The following STPG2 variants were observed in gnomAD, a reference collection of about 807,000 sequenced individuals.
STPG2 encodes the protein sperm-tail PG-rich repeat-containing protein 2.
STPG2 carries 56 observed loss-of-function variants against 54.2 expected under a neutral mutation model. The observed-to-expected ratio is 1.03, with a 90% CI of 0.83 to 1.29. The LOEUF (loss-of-function observed/expected upper bound fraction) is 1.29, where lower values mean the gene tolerates loss of function less well. Among genes scored for constraint, STPG2 ranks in the 50% most tolerant of loss-of-function variants. The probability of loss-of-function intolerance (pLI) is 0.00; values close to 1 mark genes in which losing one functional copy is unlikely to be tolerated. For missense variants in STPG2, 596 were observed against 544.9 expected, an observed-to-expected ratio of 1.09 and a Z score of -0.93; for synonymous variants, 200 against 181.8, an observed-to-expected ratio of 1.10 and a Z score of -0.81.
rs574538265 is a variant in STPG2 at position 97,988,906 on chromosome 4, G to A, written c.613-7588C>T. ...TGGGATTACAGGCGTGAGCCACTGC[G>A]CCTGGCCAGCCATTTCTAATTATGA... is the stretch of plus-strand genomic sequence containing the variant. On this transcript the variant is annotated intron_variant, in intron 5 of 10. Transcript: ENST00000295268. 1.6e-4 allele frequency among the ~76,000 whole-genome samples: 24 copies of A among 152,248 alleles called. 1 individual carries two copies. In the South Asian group the frequency reaches 4.8e-3, roughly 30 times the overall value.
rs145413358 is a variant in STPG2 at position 97,446,940 on chromosome 4, A to C, written c.463-259107T>G. ...AAAGATAACATGAAAATGTGGAAGC[A>C]ACTTTGGAACTGGGTAACAGGCAGA... On this transcript the variant is annotated intron_variant, in intron 4 of 4. Transcript: ENST00000522676. Among the ~76,000 whole-genome samples, 636 of 152,354 alleles carry C rather than the reference A, an allele frequency of 4.2e-3. 3 individuals carry two copies. The highest frequency in any genetic ancestry group is 0.02 in the South Asian group (97 of 4,822).
intron 10 of STPG2, among the ~76,000 whole-genome samples, chr4:97,595,315 C>G (rs1450314209): frequency 6.6e-6 from 1 of 151,820 alleles, no homozygotes; most frequent in African/African-American, 2.4e-5. Flanking sequence ...ATGGATGAAG[C>G]TGGAAACCAT....
At chr4:97,540,570 T>C (rs1731671335) in intron 4 of STPG2, among the ~76,000 whole-genome samples, 1 of 152,178 alleles carries the variant, frequency 6.6e-6, no homozygotes, top group Admixed American at 6.5e-5. Context: ...GTACCATTCC[T>C]TCTGAAACTA....
At chr4:97,644,311 A>G (rs890036773) in intron 10 of STPG2, among the ~76,000 whole-genome samples, 4 of 152,014 alleles carry the variant, frequency 2.6e-5, no homozygotes, top group Non-Finnish European at 5.9e-5. Context: ...TTCCCTTTCA[A>G]AGAAAACCAA....
At chr4:97,581,505 A>G (rs1234696910) in intron 10 of STPG2, among the ~76,000 whole-genome samples, 1 of 152,160 alleles carries the variant, frequency 6.6e-6, no homozygotes, top group Non-Finnish European at 1.5e-5. Context: ...ATACTTAACT[A>G]ATAATGATGA....
chr4:97,657,323 T>C (rs1034373286), intron 10 of STPG2, among the ~76,000 whole-genome samples: 1 of 152,194 alleles, frequency 6.6e-6, no homozygotes, highest in African/African-American at 2.4e-5. Flanking sequence ...ATCATTCAGA[T>C]AGGCAGAGTA....
At chr4:97,866,968 C>A (rs2149148883) in intron 8 of STPG2, among the ~76,000 whole-genome samples, 1 of 151,994 alleles carries the variant, frequency 6.6e-6, no homozygotes, top group East Asian at 1.9e-4. Context: ...GTCTGGGGGC[C>A]AGCAGCTATA....
At chr4:97,770,999 C>T (rs1462504810) in intron 9 of STPG2, among the ~76,000 whole-genome samples, 4 of 152,158 alleles carry the variant, frequency 2.6e-5, no homozygotes, top group Non-Finnish European at 5.9e-5. Flanking sequence ...GAAAGAAGTG[C>T]ATGCTGTATA....
intron 10 of STPG2, among the ~76,000 whole-genome samples, chr4:97,653,115 G>GATAGA (rs1553946793): frequency 0.013 from 1,813 of 144,822 alleles, 18 homozygotes; most frequent in South Asian, 0.015. Flanking sequence ...AGATAGATAG[G>GATAGA]TAGATAGATA....
chr4:97,680,550 A>G (rs954694891), intron 10 of STPG2, among the ~76,000 whole-genome samples: 16 of 152,104 alleles, frequency 1.1e-4, no homozygotes, highest in Non-Finnish European at 2.1e-4. Context: ...GGGGTTTTCT[A>G]GATATACAAT....
rs188817508 is a variant in STPG2 at position 97,479,488 on chromosome 4, T to C, written c.462+233211A>G. On this transcript the variant is annotated intron_variant, in intron 4 of 4. Coordinates refer to the STPG2 transcript ENST00000522676. ...AAAATAGTCTTCAAAGAATACTACA[T>C]AAAGATAAATAATTTAGTGGACTAT... Among the ~76,000 whole-genome samples the C allele has an allele frequency of 3.2e-4, 49 of 152,034 alleles. No individual in the cohort carries two copies. The East Asian group carries it at 8.5e-3, about 26-fold the overall frequency.
intron 8 of STPG2, among the ~76,000 whole-genome samples, chr4:97,844,900 G>A (rs918189734): frequency 4.0e-5 from 6 of 151,580 alleles, no homozygotes; most frequent in East Asian, 3.9e-4. Flanking sequence ...GATTTCTATT[G>A]ATCTATCTTT....
chr4:98,070,066 G>T (rs1407299689), intron 5 of STPG2, among the ~76,000 whole-genome samples: 1 of 151,600 alleles, frequency 6.6e-6, no homozygotes, highest in Non-Finnish European at 1.5e-5. Context: ...ACGAAAACCT[G>T]GCAGAGATGT....
chr4:97,532,183 G>A (rs1290600908), intron 4 of STPG2, among the ~76,000 whole-genome samples: 2 of 152,108 alleles, frequency 1.3e-5, no homozygotes, highest in Admixed American at 1.3e-4. Context: ...TTTTAATCCA[G>A]TAGTAATAAT....
At chr4:97,905,523 C>G (rs894289445) in intron 8 of STPG2, among the ~76,000 whole-genome samples, 1 of 151,922 alleles carries the variant, frequency 6.6e-6, no homozygotes, top group Non-Finnish European at 1.5e-5. Context: ...TAAAGACCAT[C>G]GAGACTAGGA....
chr4:98,123,182 C>T (rs1739731741), intron 3 of STPG2, among the ~76,000 whole-genome samples: 1 of 152,060 alleles, frequency 6.6e-6, no homozygotes, highest in Non-Finnish European at 1.5e-5. Context: ...TTTTTCATGT[C>T]TCTATCTCCT....
chr4:97,892,470 A>G lies in STPG2; in HGVS notation c.1044+51427T>C, dbSNP rs566544787. ...CCCAGGAAAGAGAACAAAATGCCTT[A>G]TTTATGTTATCACTTCCCTAATCTC... On this transcript the variant is annotated intron_variant, in intron 8 of 10. Coordinates refer to ENST00000295268, the MANE Select transcript of STPG2 (RefSeq NM_174952.3). 1.2e-4 allele frequency among the ~76,000 whole-genome samples: 19 copies of G among 152,262 alleles called. No individual in the cohort carries two copies. In the Middle Eastern group the frequency reaches 0.014, roughly 109 times the overall value.
At chr4:97,780,100 T>C (rs961592918) in intron 9 of STPG2, among the ~76,000 whole-genome samples, 4 of 130,100 alleles carry the variant, frequency 3.1e-5, no homozygotes, top group East Asian at 2.2e-4. Flanking sequence ...TAAATGTAAA[T>C]GGGCTAAATG....
In STPG2 at chr4:97,583,298, T is replaced by A. The variant is rs139646073; in HGVS notation, c.1321-24181A>T. Among the ~76,000 whole-genome samples, 53 of 151,998 alleles carry A rather than the reference T, an allele frequency of 3.5e-4. No individual in the cohort carries two copies. In the East Asian group the frequency reaches 0.01, roughly 29 times the overall value. On this transcript the variant is annotated intron_variant, in intron 10 of 10. Transcript: ENST00000295268. ...TGTTTTTAGGATCCCTCAGAACAAATTAAAAGAATAGCTACTGTACACTGT... is the reference window on the plus strand; with the variant it reads ...TGTTTTTAGGATCCCTCAGAACAAAATAAAAGAATAGCTACTGTACACTGT...
Sources: allele counts gnomAD v4.1 joint callset (sites outside exome capture counted in the v4.1 genomes callset), GRCh38; gene constraint gnomAD v4.1.1; transcripts MANE v1.5; gene names NCBI Gene and HGNC (gene_info 2026-07-23, HGNC 2026-07-21).